The following LRMDA variants were observed in gnomAD, a reference collection of about 807,000 sequenced individuals.
LRMDA encodes leucine-rich melanocyte differentiation-associated protein.
In LRMDA, 18 loss-of-function variants were observed where a neutral mutation model predicts 29.8. The ratio of observed to expected loss-of-function variants is 0.60; its 90% CI spans 0.42 to 0.90. LRMDA has a LOEUF of 0.90. Among genes scored for constraint, LRMDA ranks in the 40% least tolerant of loss-of-function variants. The pLI, the probability that LRMDA is intolerant of heterozygous loss-of-function variation, is 0.00. For missense variants in LRMDA, 273 were observed against 273.9 expected (o/e 1.00, Z 0.02); for synonymous variants, 125 against 109.4 (o/e 1.14, Z -0.89).
intron 1 of LRMDA, 151 bp from the exon 2 acceptor site, chr10:75,438,243 A>G: frequency 1.5e-6 from 1 of 660,530 alleles, no homozygotes; most frequent in Non-Finnish European, 2.7e-6. Flanking sequence ...AGCTGATTTG[A>G]TCAGGGAAAC....
chr10:76,059,878 A>G (rs760505289), intron 5 of LRMDA, among the ~76,000 whole-genome samples: 1 of 152,178 alleles, frequency 6.6e-6, no homozygotes, highest in African/African-American at 2.4e-5. Context: ...AATATGTGAT[A>G]TGGAGGGTAT....
intron 6 of LRMDA, among the ~76,000 whole-genome samples, chr10:76,521,043 G>C (rs184132826): frequency 1.7e-3 from 261 of 151,838 alleles, no homozygotes; most frequent in African/African-American, 6.0e-3. Flanking sequence ...TGAATACATA[G>C]TTGTAACTCT....
intron 6 of LRMDA, among the ~76,000 whole-genome samples, chr10:76,355,727 A>C (rs1047481480): frequency 3.3e-5 from 5 of 152,178 alleles, no homozygotes; most frequent in Admixed American, 1.3e-4. Flanking sequence ...CTAACTGCAT[A>C]AGTTGTATGA....
chr10:76,223,042 C>T (rs1851876972), intron 5 of LRMDA, among the ~76,000 whole-genome samples: 1 of 151,532 alleles, frequency 6.6e-6, no homozygotes, highest in African/African-American at 2.4e-5. Flanking sequence ...CGCATATTCT[C>T]ACTCATAGGT....
chr10:75,550,139 A>G (rs1398818334), intron 2 of LRMDA, among the ~76,000 whole-genome samples: 2 of 152,174 alleles, frequency 1.3e-5, no homozygotes, highest in East Asian at 3.8e-4. Context: ...TGAATGTTCC[A>G]TGGGCCCTTC....
At chr10:76,295,865 T>TTGCTAATCTTCACTCA (rs1489416558) in intron 5 of LRMDA, among the ~76,000 whole-genome samples, 5 of 152,184 alleles carry the variant, frequency 3.3e-5, no homozygotes, top group Admixed American at 2.0e-4. Context: ...AGTCACCTCT[T>TTGCTAATCTTCACTCA]TGCTAATCTT....
chr10:76,309,247 T>C (rs572018065), intron 5 of LRMDA, among the ~76,000 whole-genome samples: 5 of 152,246 alleles, frequency 3.3e-5, no homozygotes, highest in African/African-American at 1.2e-4. Context: ...CCTCTGATGC[T>C]GACAGCAGGC....
At chr10:75,901,733 G>A (rs1278413154) in intron 2 of LRMDA, among the ~76,000 whole-genome samples, 1 of 152,194 alleles carries the variant, frequency 6.6e-6, no homozygotes, top group Non-Finnish European at 1.5e-5. Context: ...GTTCAAGAGT[G>A]TGTTGCTGTA....
chr10:75,723,899 T>C (rs1842599597), intron 2 of LRMDA, among the ~76,000 whole-genome samples: 1 of 152,206 alleles, frequency 6.6e-6, no homozygotes, highest in South Asian at 2.1e-4. Flanking sequence ...GTTATTGCAG[T>C]GTAATGCCGT....
intron 2 of LRMDA, among the ~76,000 whole-genome samples, chr10:75,778,037 G>C (rs1843335229): frequency 6.6e-6 from 1 of 152,028 alleles, no homozygotes; most frequent in Admixed American, 6.6e-5. Flanking sequence ...ATCCACCCTA[G>C]CCCCAGAGTA....
chr10:75,882,316 T>C (rs1340655037), intron 2 of LRMDA, among the ~76,000 whole-genome samples: 1 of 152,212 alleles, frequency 6.6e-6, no homozygotes, highest in Non-Finnish European at 1.5e-5. Flanking sequence ...TTCTTCTCAC[T>C]GTAATATAAT....
intron 2 of LRMDA, among the ~76,000 whole-genome samples, chr10:75,986,003 C>T (rs151244623): frequency 5.2e-4 from 79 of 152,314 alleles, no homozygotes; most frequent in African/African-American, 1.8e-3. Flanking sequence ...GTTTTCTAGA[C>T]AGCATTTTAA....
intron 2 of LRMDA, among the ~76,000 whole-genome samples, chr10:75,875,256 G>A (rs1290066275): frequency 6.6e-6 from 1 of 152,172 alleles, no homozygotes; most frequent in Non-Finnish European, 1.5e-5. Context: ...ACTTTTCAAG[G>A]TATAGACTAT....
chr10:76,201,056 T>C (rs1851417821), intron 5 of LRMDA, among the ~76,000 whole-genome samples: 1 of 147,078 alleles, frequency 6.8e-6, no homozygotes, highest in Admixed American at 6.8e-5. Flanking sequence ...CCCCATATTA[T>C]TAGTATTATT....
rs150690617 is a variant in LRMDA at position 76,193,959 on chromosome 10, T to C, written c.517-130442T>C. Among the ~76,000 whole-genome samples the C allele has an allele frequency of 1.2e-3, 178 of 152,298 alleles. 1 individual carries two copies. The highest frequency in any genetic ancestry group is 4.1e-3 in the African/African-American group (170 of 41,568). On this transcript the variant is annotated intron_variant, in intron 5 of 6. Transcript: ENST00000611255. ...GAAAGCACTAACTTGCGTCAACCCA[T>C]ACTTGATATTTTGATGGTGGACAAA... is the stretch of plus-strand genomic sequence containing the variant.
intron 6 of LRMDA, among the ~76,000 whole-genome samples, chr10:76,374,820 A>T (rs2132462934): frequency 6.6e-6 from 1 of 152,290 alleles, no homozygotes; most frequent in African/African-American, 2.4e-5. Flanking sequence ...ATATCAAGAA[A>T]TTCTTGAATC....
chr10:75,608,733 T>C (rs971497912), intron 2 of LRMDA, among the ~76,000 whole-genome samples: 5 of 152,192 alleles, frequency 3.3e-5, no homozygotes, highest in African/African-American at 1.2e-4. Flanking sequence ...ATTGTGAGCC[T>C]GCAACTGTGA....
chr10:75,616,285 T>C (rs185536300), intron 2 of LRMDA, among the ~76,000 whole-genome samples: 2,396 of 134,386 alleles, frequency 0.018, 61 homozygotes, highest in African/African-American at 0.082. Flanking sequence ...GCAGCAGCAG[T>C]AGTAGTAGTA....
At chr10:76,535,691 AGTTCACT>A (rs1843283346) in intron 6 of LRMDA, 1 of 152,138 alleles carries the variant, frequency 6.6e-6, no homozygotes, top group Non-Finnish European at 1.5e-5. Context: ...TCTCTACCTC[AGTTCACT>A]GTTAATATTG....
Sources: gnomAD v4.1 joint callset for allele counts (sites outside exome capture counted in the v4.1 genomes callset) on GRCh38, gnomAD v4.1.1 for gene constraint, MANE v1.5 for transcripts, NCBI Gene and HGNC (gene_info 2026-07-23, HGNC 2026-07-21) for gene names.